Variants in GABRB1 observed in about 807,000 individuals in gnomAD.
GABRB1 encodes the protein gamma-aminobutyric acid type A receptor subunit beta1.
In GABRB1, 17 loss-of-function variants were observed where a neutral mutation model predicts 51.6. The observed-to-expected ratio is 0.33, with a 90% CI of 0.23 to 0.49. The LOEUF is 0.49. GABRB1 is among the 20% of genes least tolerant of loss of function. The pLI is 0.99. For missense variants in GABRB1, 410 were observed against 600.6 expected (o/e 0.68, Z 3.32); for synonymous variants, 247 against 218.9 (o/e 1.13, Z -1.14).
intron 4 of GABRB1, among the ~76,000 whole-genome samples, chr4:47,197,296 T>A (rs1363842641): frequency 1.3e-5 from 2 of 152,234 alleles, no homozygotes; most frequent in Admixed American, 6.5e-5. Context: ...TAAGTCTATT[T>A]GTTCATGGGA....
At chr4:47,392,969 C>T (rs1467468538) in intron 5 of GABRB1, among the ~76,000 whole-genome samples, 1 of 152,190 alleles carries the variant, frequency 6.6e-6, no homozygotes, top group Non-Finnish European at 1.5e-5. Context: ...ACTACATCTC[C>T]CAGATTCTCT....
intron 1 of GABRB1, among the ~76,000 whole-genome samples, chr4:47,025,859 C>T (rs1725073184): frequency 6.6e-6 from 1 of 151,880 alleles, no homozygotes; most frequent in African/African-American, 2.4e-5. Context: ...TAATTTTGTT[C>T]AATTCTGCCT....
At chr4:47,005,215 G>C (rs1425872270) in intron 1 of GABRB1, among the ~76,000 whole-genome samples, 2 of 152,182 alleles carry the variant, frequency 1.3e-5, no homozygotes, top group South Asian at 2.1e-4. Flanking sequence ...TCAGGAAATC[G>C]AGACCATCCT....
chr4:47,244,861 A>G (rs968306670), intron 4 of GABRB1, among the ~76,000 whole-genome samples: 2 of 152,146 alleles, frequency 1.3e-5, no homozygotes, highest in East Asian at 3.8e-4. Flanking sequence ...ACAGGGAAAT[A>G]TATAGCACTA....
chr4:47,130,022 C>G (rs1421589521), intron 3 of GABRB1, among the ~76,000 whole-genome samples: 7 of 152,122 alleles, frequency 4.6e-5, no homozygotes, highest in Non-Finnish European at 8.8e-5. Flanking sequence ...GAAAAGTCTG[C>G]TAACAAATTT....
At chr4:47,156,776 AC>A (rs1717725649) in intron 3 of GABRB1, among the ~76,000 whole-genome samples, 1 of 151,794 alleles carries the variant, frequency 6.6e-6, no homozygotes, top group Non-Finnish European at 1.5e-5. Context: ...TCTAAACCAG[AC>A]TGACCAACAT....
intron 1 of GABRB1, among the ~76,000 whole-genome samples, chr4:47,014,629 T>C (rs1260661962): frequency 6.6e-6 from 1 of 152,152 alleles, no homozygotes; most frequent in South Asian, 2.1e-4. Context: ...TACCTCGAAA[T>C]AGCATCAGAT....
chr4:47,415,057 C>G (rs1438135009), intron 8 of GABRB1, among the ~76,000 whole-genome samples: 3 of 152,214 alleles, frequency 2.0e-5, no homozygotes, highest in African/African-American at 7.2e-5. Flanking sequence ...TTTTTGTTCT[C>G]TAGCCTTGAT....
intron 3 of GABRB1, among the ~76,000 whole-genome samples, chr4:47,078,346 T>C (rs547940423): frequency 4.5e-4 from 69 of 152,262 alleles, no homozygotes; most frequent in African/African-American, 1.6e-3. Context: ...TAAGCACAGT[T>C]ATAGGCTGTT....
At chr4:47,310,022 T>G (rs1000709503) in intron 4 of GABRB1, among the ~76,000 whole-genome samples, 1 of 152,186 alleles carries the variant, frequency 6.6e-6, no homozygotes, top group East Asian at 1.9e-4. Context: ...ACATTCCACC[T>G]GCATCATACC....
chr4:47,139,685 C>T (rs1175745691), intron 3 of GABRB1, among the ~76,000 whole-genome samples: 1 of 151,952 alleles, frequency 6.6e-6, no homozygotes, highest in East Asian at 1.9e-4. Flanking sequence ...TAATTTTAAC[C>T]ACTAACGGAG....
intron 1 of GABRB1, among the ~76,000 whole-genome samples, chr4:47,011,325 T>G (rs1310155801): frequency 1.3e-5 from 2 of 152,092 alleles, no homozygotes; most frequent in African/African-American, 4.8e-5. Flanking sequence ...CTGAGGGAGC[T>G]GCAGTAGGTA....
chr4:47,047,343 A>C (rs1164892668), intron 3 of GABRB1, among the ~76,000 whole-genome samples: 3 of 152,114 alleles, frequency 2.0e-5, no homozygotes, highest in Non-Finnish European at 4.4e-5. Context: ...TATTCTAACC[A>C]CTTTATGAAT....
intron 5 of GABRB1, among the ~76,000 whole-genome samples, chr4:47,342,188 A>T (rs1003976239): frequency 6.6e-6 from 1 of 152,158 alleles, no homozygotes; most frequent in African/African-American, 2.4e-5. Context: ...TATCTGAATC[A>T]GTCTTTAGAA....
intron 4 of GABRB1, among the ~76,000 whole-genome samples, chr4:47,170,401 A>G (rs200395569): frequency 4.9e-5 from 7 of 141,912 alleles, no homozygotes; most frequent in East Asian, 2.1e-4. Context: ...ACACACACAC[A>G]CGCACACACA....
chr4:47,120,058 A>C (rs1294811893), intron 3 of GABRB1, among the ~76,000 whole-genome samples: 4 of 152,194 alleles, frequency 2.6e-5, no homozygotes, highest in Admixed American at 2.6e-4. Context: ...TGGATAAACA[A>C]AAATATTCAT....
chr4:47,153,914 C>A (rs1051791387), intron 3 of GABRB1, among the ~76,000 whole-genome samples: 1 of 151,938 alleles, frequency 6.6e-6, no homozygotes, highest in Non-Finnish European at 1.5e-5. Context: ...TAAATAAGAA[C>A]ATGGACTTTA....
rs759122617 is a variant in GABRB1, at chr4:47,317,797, G to A, written c.462-2330G>A. 1.1e-4 allele frequency among the ~76,000 whole-genome samples: 16 copies of A among 151,592 alleles called. No individual in the cohort carries two copies. In the South Asian group the frequency reaches 2.3e-3, roughly 22 times the overall value. On this transcript the variant is annotated intron_variant, in intron 4 of 8. Transcript: ENST00000295454. ...AAGCCTTTATTGCTGATAGTTTAGC[G>A]CAAATGACCAAAGCAATAACTCACC...
At chr4:47,384,176 TC>T (rs576899628) in intron 5 of GABRB1, among the ~76,000 whole-genome samples, 46 of 152,258 alleles carry the variant, frequency 3.0e-4, no homozygotes, top group African/African-American at 1.1e-3. Flanking sequence ...CATAATATTA[TC>T]ATTCATAGAT....
Sources: gnomAD v4.1 joint callset for allele counts (sites outside exome capture counted in the v4.1 genomes callset) on GRCh38, gnomAD v4.1.1 for gene constraint, MANE v1.5 for transcripts, NCBI Gene and HGNC (gene_info 2026-07-23, HGNC 2026-07-21) for gene names.